RNF214: variants seen among roughly 807,000 people sequenced by gnomAD.
RNF214 encodes the protein ring finger protein 214.
RNF214 carries 25 observed loss-of-function variants against 75.9 expected under a neutral mutation model. That is an observed-to-expected ratio of 0.33 (90% CI 0.24 to 0.46). RNF214 has a LOEUF of 0.46. Among genes scored for constraint, RNF214 ranks in the 20% least tolerant of loss-of-function variants. RNF214 has a pLI of 1.00. For missense variants in RNF214, 725 were observed against 857.5 expected, an observed-to-expected ratio of 0.85 and a Z score of 1.93; for synonymous variants, 314 against 308.8, an observed-to-expected ratio of 1.02 and a Z score of -0.18.
chr11:117,282,885 A>G, intron 13 of RNF214, 35 bp downstream of exon 13: 1 of 1,511,450 alleles, frequency 6.6e-7, no homozygotes. Flanking sequence ...TGTGATATGG[A>G]GAAGCTGGAG....
chr11:117,268,058 A>G (rs1346145665), intron 6 of RNF214, among the ~76,000 whole-genome samples: 2 of 152,344 alleles, frequency 1.3e-5, no homozygotes, highest in African/African-American at 4.8e-5. Flanking sequence ...AACCCTTTAC[A>G]ATACACACTT....
chr11:117,243,209 C>T (rs2134362917), intron 4 of RNF214, among the ~76,000 whole-genome samples: 1 of 152,312 alleles, frequency 6.6e-6, no homozygotes, highest in East Asian at 1.9e-4. Context: ...TGCAGGGGCA[C>T]AGTCTCTGCT....
In RNF214 at chr11:117,238,805, G is replaced by T; in HGVS notation, c.312G>T (p.Gly104=). The part of the protein sequence containing the change: ...IATALCLSGS[G]SQSDLKDVAS... The stretch of plus-strand genomic sequence containing the variant: ...CAGCCCTTTGTCTTTCTGGCAGTGG[G>T]TCTCAGTCTGATTTGAAGGATGTGG... The change falls in exon 3 of 15, where the codon GGG becomes GGT. Residue 104 remains glycine (G), a synonymous_variant. Coordinates refer to ENST00000300650, the MANE Select transcript of RNF214 (RefSeq NM_207343.4). 1 of 1,614,180 alleles carries T rather than the reference G, an allele frequency of 6.2e-7. No homozygotes were observed. Among genetic ancestry groups the T allele is most frequent in the Non-Finnish European group, 8.5e-7 (1 of 1,180,022 alleles).
chr11:117,266,890 CT>C (rs1459074073), intron 6 of RNF214, among the ~76,000 whole-genome samples: 2 of 118,814 alleles, frequency 1.7e-5, no homozygotes, highest in Non-Finnish European at 3.3e-5. Context: ...AGTCTCACTT[CT>C]TCACCCAGGC....
intron 6 of RNF214, among the ~76,000 whole-genome samples, chr11:117,269,394 CT>C (rs1373547895): frequency 6.7e-6 from 1 of 150,272 alleles, no homozygotes; most frequent in Non-Finnish European, 1.5e-5. Flanking sequence ...CAAGGTCTCA[CT>C]CTGTCACCCA....
In RNF214 at chr11:117,281,374, T is replaced by C. The variant is rs745967882; in HGVS notation, c.1206T>C (p.Asn402=). Residue 402 remains asparagine, a synonymous_variant, in exon 9 of 15, where the codon AAT becomes AAC. Transcript: ENST00000300650. ...AACAGGAGTGGGAGACGAGACTGAATGGAGTTCGGATAATGAAAAAGAATG... is the reference window on the plus strand; with the variant it reads ...AACAGGAGTGGGAGACGAGACTGAACGGAGTTCGGATAATGAAAAAGAATG... ...RSKQEWETRL[N]GVRIMKKNVR... is the part of the protein sequence containing the mutation. The C allele has an allele frequency of 2.2e-5, 36 of 1,613,242 alleles. No individual in the cohort carries two copies. The South Asian group carries it at 3.4e-4, about 15-fold the overall frequency.
At chr11:117,283,262 A>G (rs2034166490) in intron 14 of RNF214, 52 bp downstream of exon 14, 1 of 1,246,520 alleles carries the variant, frequency 8.0e-7, no homozygotes, top group Admixed American at 2.0e-5. Flanking sequence ...CTGACAGCTA[A>G]AATAATTTTT....
rs2034229577 is a variant in RNF214 at position 117,285,246 on chromosome 11, T to C, written c.*95T>C. The C allele has an allele frequency of 2.5e-6, 2 of 806,012 alleles. No individual in the cohort carries two copies. Among genetic ancestry groups the C allele is most frequent in the Non-Finnish European group, 4.3e-6 (2 of 462,620 alleles). 49.9% of individuals were successfully genotyped at this position (806,012 alleles called of 1,614,324 possible). A position where few individuals can be genotyped will look rare whatever the true frequency, so the allele number is the denominator to read the frequency against. Reference sequence around the variant, plus strand: ...AACTCTATATTTATACAGTGACATATACTCATGCCATGTACATTTTTATTA... The same window carrying C: ...AACTCTATATTTATACAGTGACATACACTCATGCCATGTACATTTTTATTA... On this transcript the variant is annotated 3_prime_UTR_variant, in exon 15 of 15. Coordinates refer to ENST00000300650, the MANE Select transcript of RNF214 (RefSeq NM_207343.4).
intron 6 of RNF214, among the ~76,000 whole-genome samples, chr11:117,247,818 A>C (rs1250052657): frequency 1.3e-5 from 2 of 150,270 alleles, no homozygotes; most frequent in Admixed American, 1.3e-4. Flanking sequence ...AGATCGTGCC[A>C]CTGGACTTCA....
chr11:117,254,017 G>A (rs2033461960), intron 6 of RNF214, among the ~76,000 whole-genome samples: 1 of 152,088 alleles, frequency 6.6e-6, no homozygotes, highest in South Asian at 2.1e-4. Flanking sequence ...ACTTTGGGAG[G>A]CCGAGTGGGG....
At chr11:117,243,406 A>G (rs975110852) in intron 4 of RNF214, among the ~76,000 whole-genome samples, 1 of 152,202 alleles carries the variant, frequency 6.6e-6, no homozygotes, top group Non-Finnish European at 1.5e-5. Context: ...TCAGCTTCCC[A>G]AAGTGCTGGG....
At chr11:117,264,939 T>C (rs1215421562) in intron 6 of RNF214, among the ~76,000 whole-genome samples, 1 of 151,810 alleles carries the variant, frequency 6.6e-6, no homozygotes, top group Non-Finnish European at 1.5e-5. Context: ...TGGTGGCATG[T>C]GTCTGTACTC....
chr11:117,281,969 A>G lies in RNF214; in HGVS notation c.1411A>G (p.Thr471Ala), dbSNP rs771991630. 1 of 1,614,032 alleles carries G rather than the reference A, an allele frequency of 6.2e-7. No homozygotes were observed. The highest frequency in any genetic ancestry group is 1.1e-5 in the South Asian group (1 of 91,078). ...PRMPFSIGQV[T>A]MPMVMPSADP... ...GATGCCCTTCTCCATTGGGCAGGTC[A>G]CAATGCCCATGGTTATGCCCAGTGC... Residue 471 changes from threonine to alanine, a missense_variant, in exon 11 of 15, where the codon ACA becomes GCA. By Grantham distance (58) the Thr-to-Ala change is moderately conservative (BLOSUM62 0). Transcript: ENST00000300650.
chr11:117,247,812 C>T (rs1417351717), intron 6 of RNF214, among the ~76,000 whole-genome samples: 7 of 147,562 alleles, frequency 4.7e-5, no homozygotes, highest in African/African-American at 1.0e-4. Context: ...GAGCTGAGAT[C>T]GTGCCACTGG....
chr11:117,240,236 C>G (rs547501348), intron 4 of RNF214, among the ~76,000 whole-genome samples: 1 of 151,758 alleles, frequency 6.6e-6, no homozygotes, highest in Admixed American at 6.6e-5. Flanking sequence ...GCCTATAGTC[C>G]TAGCTACTCA....
In RNF214 at chr11:117,281,586, CTTTTT is replaced by C; in HGVS notation, c.1237-7_1237-3del. 8.2e-7 allele frequency: 1 copy of C among 1,225,192 alleles called. No individual in the cohort carries two copies. The highest frequency in any genetic ancestry group is 1.1e-6 in the Non-Finnish European group (1 of 878,238). 75.9% of individuals were successfully genotyped at this position (1,225,192 alleles called of 1,614,324 possible). A position where few individuals can be genotyped will look rare whatever the true frequency, so the allele number is the denominator to read the frequency against. ...AGTCAGTTCAGCAGTAAAAATAATCCTTTTTTTTTTTAGGACCAATTTAATAGTCA... is the reference window on the plus strand; with the variant it reads ...AGTCAGTTCAGCAGTAAAAATAATCCTTTTTTAGGACCAATTTAATAGTCA... On this transcript the variant is annotated splice_polypyrimidine_tract_variant and intron_variant, in intron 9 of 14. Transcript: ENST00000300650.
Position 117,238,669 on chromosome 11 carries a change from A to G in RNF214, c.176A>G (p.Lys59Arg), listed in dbSNP as rs1004644325. 7.4e-6 allele frequency: 12 copies of G among 1,614,214 alleles called. No individual in the cohort carries two copies. Among genetic ancestry groups the G allele is most frequent in the African/African-American group, 1.3e-5 (1 of 75,064 alleles). The change falls in exon 3 of 15, where the codon AAG becomes AGG. Residue 59 changes from lysine to arginine, a missense_variant. Lys to Arg is a conservative substitution (Grantham distance 26). This residue lies in a region of RNF214 where 362 missense variants were observed against 344.5 expected (regional missense o/e 1.05). Transcript: ENST00000300650. ...AGTGTAAGTAGCCAAACAATAACCA[A>G]GGAGAATAACAGAAATGTCCATTTG... ...LLSVSSQTITKENNRNVHLEH... is the reference protein window; with the variant it reads ...LLSVSSQTITRENNRNVHLEH...
intron 6 of RNF214, among the ~76,000 whole-genome samples, chr11:117,264,922 C>G (rs1047178394): frequency 1.3e-5 from 2 of 151,912 alleles, no homozygotes; most frequent in Non-Finnish European, 2.9e-5. Context: ...AAAAAATTAG[C>G]TGGGCGTGGT....
At position 117,249,812 on chromosome 11, in the gene RNF214, T is replaced by C. The variant is rs56121918; in HGVS notation, c.959+2864T>C. On this transcript the variant is annotated intron_variant, in intron 6 of 14. Coordinates refer to ENST00000300650, the MANE Select transcript of RNF214 (RefSeq NM_207343.4). ...CCTCTTATAAGGACACCAATTCTAT[T>C]GGATTAGGTTCCCACTTTATGACTT... is the stretch of plus-strand genomic sequence containing the variant. Among the ~76,000 whole-genome samples the C allele has an allele frequency of 5.6e-3, 848 of 152,320 alleles. 9 individuals are homozygous for C. The highest frequency in any genetic ancestry group is 0.018 in the African/African-American group (764 of 41,576).
Sources: allele counts gnomAD v4.1 joint callset (sites outside exome capture counted in the v4.1 genomes callset), GRCh38; gene constraint gnomAD v4.1.1; regional missense constraint gnomAD v4.1.1; transcripts MANE v1.5; gene names NCBI Gene and HGNC (gene_info 2026-07-23, HGNC 2026-07-21).